Variants in ZIM2 observed in about 807,000 individuals in gnomAD.
ZIM2 encodes the protein zinc finger protein 656.
ZIM2 carries 14 observed loss-of-function variants against 38.6 expected under a neutral mutation model. The observed-to-expected ratio is 0.36, with a 90% confidence interval of 0.24 to 0.57. The LOEUF is 0.57. Among genes scored for constraint, ZIM2 ranks in the 20% least tolerant of loss-of-function variants. ZIM2 has a pLI of 0.81. For synonymous variants in ZIM2, 247 were observed against 245.8 expected (o/e 1.00, Z -0.04); for missense variants, 680 against 695.1 (o/e 0.98, Z 0.24).
chr19:56,788,930 T>C (rs1216447007), intron 10 of ZIM2, among the ~76,000 whole-genome samples: 3 of 151,706 alleles, frequency 2.0e-5, no homozygotes, highest in Non-Finnish European at 4.4e-5. Context: ...TTTCTTCTGC[T>C]TGATCGATTC....
Position 56,810,260 on chromosome 19 carries a change from A to G in ZIM2, c.490+7486T>C, listed in dbSNP as rs377138818. 557 of 983,528 alleles carry G rather than the reference A, an allele frequency of 5.7e-4. 2 individuals carry two copies. In the African/African-American group the frequency reaches 7.6e-3, roughly 13 times the overall value. The allele number at this position is 983,528 out of a possible 1,614,324, so 60.9% of individuals were successfully genotyped here. A position where few individuals can be genotyped will look rare whatever the true frequency, so the allele number is the denominator to read the frequency against. On this transcript the variant is annotated intron_variant, in intron 9 of 12. Transcript: ENST00000629319. ...TTCTCTTCTACATTTCTGTAACTTC[A>G]AAGTTTCTATAATGAACACATTTCA...
At chr19:56,822,162 G>A (rs1047793642) in intron 6 of ZIM2, among the ~76,000 whole-genome samples, 2 of 152,154 alleles carry the variant, frequency 1.3e-5, no homozygotes, top group Non-Finnish European at 2.9e-5. Flanking sequence ...GTTGTGAACC[G>A]TCACTAAATG....
At chr19:56,780,645 A>G (rs1600712212) in intron 11 of ZIM2, among the ~76,000 whole-genome samples, 1 of 152,214 alleles carries the variant, frequency 6.6e-6, no homozygotes, top group African/African-American at 2.4e-5. Flanking sequence ...CATGATAAAT[A>G]TAACAGAAAC....
In ZIM2 at chr19:56,818,799, T is replaced by C; in HGVS notation, c.295-97A>G. ...AACATGGGAGTTACATATATGAAGT[T>C]ATATAGGAAGTGCTCACGGTATTGG... On this transcript the variant is annotated intron_variant, in intron 7 of 12. Coordinates refer to ENST00000629319, the MANE Select transcript of ZIM2 (RefSeq NM_001387356.1). 4 of 1,396,018 alleles carry C rather than the reference T, an allele frequency of 2.9e-6. No homozygotes were observed. In the East Asian group the frequency reaches 6.9e-5, roughly 24 times the overall value. The allele number at this position is 1,396,018 out of a possible 1,614,324, so 86.5% of individuals were successfully genotyped here.
intron 9 of ZIM2, among the ~76,000 whole-genome samples, chr19:56,802,811 T>C (rs2047593001): frequency 6.6e-6 from 1 of 152,238 alleles, no homozygotes; most frequent in South Asian, 2.1e-4. Context: ...CTGGAGGATC[T>C]GACCATTTCG....
At position 56,824,397 on chromosome 19, in the gene ZIM2, C is replaced by T. The variant is rs774637365; in HGVS notation, c.-120G>A. 8.7e-6 allele frequency: 14 copies of T among 1,613,960 alleles called. No individual in the cohort carries two copies. Among genetic ancestry groups the T allele is most frequent in the African/African-American group, 4.0e-5 (3 of 74,902 alleles). On this transcript the variant is annotated 5_prime_UTR_variant, in exon 4 of 13. Transcript: ENST00000629319. ...AGGTACTGCTCAAGGACCAAGAGCT[C>T]GATGATCTCCTCCTTGGTGCGGGTC...
chr19:56,818,070 A>G (rs2060143315), intron 8 of ZIM2, among the ~76,000 whole-genome samples: 1 of 152,220 alleles, frequency 6.6e-6, no homozygotes, highest in Admixed American at 6.5e-5. Flanking sequence ...AAGACCCCAC[A>G]TGTCCCTGAA....
intron 10 of ZIM2, among the ~76,000 whole-genome samples, chr19:56,787,915 C>A (rs139748017): frequency 8.4e-4 from 128 of 152,018 alleles, no homozygotes; most frequent in Admixed American, 2.0e-3. Flanking sequence ...GTTTGTATTT[C>A]TGTGGGATCA....
intron 1 of ZIM2, among the ~76,000 whole-genome samples, chr19:56,839,950 C>T (rs1478412889): frequency 2.6e-5 from 4 of 152,370 alleles, no homozygotes; most frequent in South Asian, 2.1e-4. Context: ...TTTAAGATAC[C>T]GCCCGAGAGG....
intron 9 of ZIM2, chr19:56,813,920 G>T: frequency 6.2e-7 from 1 of 1,614,162 alleles, no homozygotes; most frequent in Non-Finnish European, 8.5e-7. Context: ...GTGCATTCAT[G>T]GCAGTCATAG....
chr19:56,793,946 A>AC, intron 9 of ZIM2, among the ~76,000 whole-genome samples: 1 of 152,182 alleles, frequency 6.6e-6, no homozygotes, highest in East Asian at 1.9e-4. Flanking sequence ...AATGACTGGA[A>AC]CCAGGCATTA....
chr19:56,801,517 C>A (rs763810562), intron 9 of ZIM2, among the ~76,000 whole-genome samples: 1 of 152,138 alleles, frequency 6.6e-6, no homozygotes, highest in Non-Finnish European at 1.5e-5. Context: ...AGCTTTATAA[C>A]GGAAAGTCTC....
chr19:56,804,942 A>G (rs899913429), intron 9 of ZIM2, among the ~76,000 whole-genome samples: 1 of 152,244 alleles, frequency 6.6e-6, no homozygotes, highest in Non-Finnish European at 1.5e-5. Context: ...GTGACCAGGC[A>G]GTTAGACCCC....
intron 6 of ZIM2, chr19:56,822,499 T>G (rs1261584818): frequency 5.1e-6 from 2 of 392,652 alleles, no homozygotes; most frequent in South Asian, 6.3e-5. Flanking sequence ...ACTTCCAGTT[T>G]TTTTTTTTTT....
chr19:56,811,071 GTA>G (rs1239548161), intron 9 of ZIM2: 26 of 981,778 alleles, frequency 2.6e-5, no homozygotes, highest in Admixed American at 6.2e-5. Flanking sequence ...TAAGAGGAGA[GTA>G]TATGTCTTTG....
chr19:56,816,545 C>T (rs772653015), intron 9 of ZIM2: 1 of 1,613,874 alleles, frequency 6.2e-7, no homozygotes, highest in African/African-American at 1.3e-5. Context: ...AAAGTCTCCC[C>T]ACACACCTTA....
chr19:56,779,544 A>T (rs1162016078), intron 11 of ZIM2, 72 bp from the exon 12 acceptor site: 3 of 1,446,962 alleles, frequency 2.1e-6, no homozygotes, highest in Non-Finnish European at 2.9e-6. Flanking sequence ...ACTCTGGAAT[A>T]ATAAGGAAGG....
intron 10 of ZIM2, chr19:56,782,343 G>A: frequency 9.0e-6 from 5 of 557,664 alleles, no homozygotes. Flanking sequence ...ATCCTTTTAA[G>A]CCACTTTATA....
Position 56,814,904 on chromosome 19 carries a change from C to G in ZIM2, c.490+2842G>C. On this transcript the variant is annotated intron_variant, in intron 9 of 12. Transcript: ENST00000629319. This position sits in a 1 kb window ranked among gnomAD's most constrained non-coding sequence, Gnocchi z 5.8. ...TCTTGTTCATGGATTCTCTGATGCTCGAAAAGGAATGAGCTATGAATAAAA... is the reference window on the plus strand; with the variant it reads ...TCTTGTTCATGGATTCTCTGATGCTGGAAAAGGAATGAGCTATGAATAAAA... 6.2e-7 allele frequency: 1 copy of G among 1,614,108 alleles called. No individual in the cohort carries two copies. The highest frequency in any genetic ancestry group is 8.5e-7 in the Non-Finnish European group (1 of 1,180,028).
Sources: gnomAD v4.1 joint callset for allele counts (sites outside exome capture counted in the v4.1 genomes callset) on GRCh38, gnomAD v4.1.1 for gene constraint, Gnocchi (gnomAD v3.1) non-coding constraint, MANE v1.5 for transcripts, NCBI Gene and HGNC (gene_info 2026-07-23, HGNC 2026-07-21) for gene names.